Variants in HDAC4 observed in about 807,000 individuals in gnomAD.
The protein encoded by HDAC4 is histone deacetylase A.
A neutral mutation model predicts 135.1 loss-of-function variants in HDAC4; 16 were observed. The observed-to-expected ratio is 0.12, with a 90% CI of 0.08 to 0.18. HDAC4 has a LOEUF of 0.18. HDAC4 is among the 10% of genes least tolerant of loss of function. The pLI is 1.00. For synonymous variants in HDAC4, 685 were observed against 653.4 expected (o/e 1.05, Z -0.74); for missense variants, 1,143 against 1,511.8 (o/e 0.76, Z 4.05).
chr2:239,181,936 C>G (rs1027118891), intron 4 of HDAC4, among the ~76,000 whole-genome samples: 1 of 152,180 alleles, frequency 6.6e-6, no homozygotes. Flanking sequence ...ACTAAATATC[C>G]TAAGGTAAAA....
intron 22 of HDAC4, among the ~76,000 whole-genome samples, chr2:239,077,189 C>G (rs1423838072): frequency 6.6e-6 from 1 of 152,248 alleles, no homozygotes; most frequent in Admixed American, 6.5e-5. Context: ...AGTCAGAGGC[C>G]CCGATAGAGC....
chr2:239,234,791 G>C (rs1321020545), intron 3 of HDAC4, among the ~76,000 whole-genome samples: 1 of 152,186 alleles, frequency 6.6e-6, no homozygotes, highest in Non-Finnish European at 1.5e-5. Flanking sequence ...GACAGGCAGG[G>C]TGCGCTTCCC....
At chr2:239,126,755 G>C in intron 11 of HDAC4, 61 bp from the exon 12 acceptor site, 17 of 1,501,396 alleles carry the variant, frequency 1.1e-5, no homozygotes, top group Non-Finnish European at 1.4e-5. Context: ...GAGGGAGAGA[G>C]GGCTATTGAG....
chr2:239,341,358 G>C (rs1692286975), intron 2 of HDAC4, among the ~76,000 whole-genome samples: 1 of 152,270 alleles, frequency 6.6e-6, no homozygotes, highest in South Asian at 2.1e-4. Context: ...AGGAAGGTTT[G>C]TGTTGTGCAG....
At chr2:239,363,315 A>C (rs1199481534) in intron 1 of HDAC4, among the ~76,000 whole-genome samples, 1 of 152,244 alleles carries the variant, frequency 6.6e-6, no homozygotes, top group African/African-American at 2.4e-5. Context: ...AAATGGAAGC[A>C]CAAAGAACCT....
intron 19 of HDAC4, among the ~76,000 whole-genome samples, chr2:239,086,602 C>G (rs185890293): frequency 6.6e-6 from 1 of 152,252 alleles, no homozygotes; most frequent in Non-Finnish European, 1.5e-5. Context: ...CTATCTCTCA[C>G]GTCCTGCCGG....
intron 3 of HDAC4, among the ~76,000 whole-genome samples, chr2:239,230,951 T>C (rs1272063066): frequency 6.6e-6 from 1 of 152,182 alleles, no homozygotes; most frequent in Admixed American, 6.5e-5. Flanking sequence ...ATACTTCCTG[T>C]TCCAAAATGT....
chr2:239,079,839 TATAC>T (rs1276891306), intron 22 of HDAC4, among the ~76,000 whole-genome samples: 1 of 134,884 alleles, frequency 7.4e-6, no homozygotes, highest in Non-Finnish European at 1.6e-5. Context: ...CACACAGCGA[TATAC>T]ACACAAAGAC....
At position 239,134,359 on chromosome 2, in the gene HDAC4, T is replaced by C; in HGVS notation, c.1180A>G (p.Thr394Ala). Residue 394 changes from threonine to alanine, a missense_variant, in exon 11 of 27, where the codon ACT becomes GCT. Thr to Ala is a moderately conservative substitution (Grantham distance 58). Around this residue, in one of 9 missense-constraint regions of HDAC4, gnomAD observed 272 missense variants for 309.7 expected, o/e 0.88. Transcript: ENST00000543185. ...RLSLFPGTHL[T>A]PYLSTSPLER... ...AAGGGCGAGGTGCTCAGGTAGGGAG[T>C]GAGGTGGGTGCCGGGGAAAAGGGAG... The C allele has an allele frequency of 6.2e-7, 1 of 1,612,750 alleles. No individual in the cohort carries two copies. Among genetic ancestry groups the C allele is most frequent in the Non-Finnish European group, 8.5e-7 (1 of 1,179,700 alleles).
chr2:239,286,821 A>T (rs2051163949), intron 2 of HDAC4, among the ~76,000 whole-genome samples: 1 of 152,162 alleles, frequency 6.6e-6, no homozygotes, highest in Admixed American at 6.5e-5. Flanking sequence ...AAGGAGAAAA[A>T]GAAAACTCAC....
intron 5 of HDAC4, among the ~76,000 whole-genome samples, chr2:239,164,514 G>A (rs2043010448): frequency 6.6e-6 from 1 of 152,216 alleles, no homozygotes; most frequent in South Asian, 2.1e-4. Flanking sequence ...TTCCGTGGCG[G>A]TGATTCTTTT....
chr2:239,383,437 G>C (rs960129363), intron 1 of HDAC4, among the ~76,000 whole-genome samples: 2 of 152,230 alleles, frequency 1.3e-5, no homozygotes, highest in African/African-American at 4.8e-5. Context: ...CTGATGACAT[G>C]TGGGCAGGCA....
intron 17 of HDAC4, chr2:239,091,907 A>AC (rs1273304704): frequency 6.9e-6 from 1 of 144,106 alleles, no homozygotes; most frequent in Non-Finnish European, 1.5e-5. Context: ...AAAAATACAA[A>AC]AAAAAAAAAA....
intron 1 of HDAC4, among the ~76,000 whole-genome samples, chr2:239,381,842 G>T (rs1695438133): frequency 1.3e-5 from 2 of 152,196 alleles, no homozygotes; most frequent in Non-Finnish European, 2.9e-5. Flanking sequence ...TCCCCTGGGG[G>T]AGGAGGGTGC....
At chr2:239,098,843 C>T (rs942154642) in intron 16 of HDAC4, among the ~76,000 whole-genome samples, 5 of 152,156 alleles carry the variant, frequency 3.3e-5, no homozygotes, top group African/African-American at 9.7e-5. Context: ...GGACAATTGT[C>T]GGAAATTCAA....
chr2:239,176,784 A>G (rs1450932922), intron 4 of HDAC4, among the ~76,000 whole-genome samples: 1 of 152,220 alleles, frequency 6.6e-6, no homozygotes, highest in Non-Finnish European at 1.5e-5. Flanking sequence ...AAAACATTAA[A>G]AACAAAAGCC....
chr2:239,159,199 C>T (rs2042620109), intron 6 of HDAC4, among the ~76,000 whole-genome samples: 1 of 151,470 alleles, frequency 6.6e-6, no homozygotes, highest in Non-Finnish European at 1.5e-5. Flanking sequence ...TACTCCCACC[C>T]ACACCTCACA....
At chr2:239,214,357 G>T (rs1014473811) in intron 3 of HDAC4, among the ~76,000 whole-genome samples, 1 of 152,156 alleles carries the variant, frequency 6.6e-6, no homozygotes, top group African/African-American at 2.4e-5. Flanking sequence ...AAGAACCCTC[G>T]TGAAGACAAA....
chr2:239,352,695 C>T lies in HDAC4; in HGVS notation c.5G>A (p.Ser2Asn), dbSNP rs372398251. ...GGCCTTACCTGGATGGCTTTGGGAGCTCATTGCTAGCAATGTCCACTCCTT... is the reference window on the plus strand; with the variant it reads ...GGCCTTACCTGGATGGCTTTGGGAGTTCATTGCTAGCAATGTCCACTCCTT... M[S>N]SQSHPDGLSG... Residue 2 changes from serine to asparagine, a missense_variant, in exon 2 of 27, where the codon AGC becomes AAC. Physicochemically the swap from Ser to Asn is conservative, Grantham distance 46. Around this residue, in one of 9 missense-constraint regions of HDAC4, gnomAD observed 247 missense variants for 310.0 expected, o/e 0.80. Transcript: ENST00000543185. The surrounding 1 kb of genome is among the most constrained non-coding windows in gnomAD (Gnocchi z 4.4). 4.5e-6 allele frequency: 7 copies of T among 1,557,768 alleles called. No homozygotes were observed. In the African/African-American group the frequency reaches 9.5e-5, roughly 21 times the overall value.
Sources: gnomAD v4.1 joint callset for allele counts (sites outside exome capture counted in the v4.1 genomes callset) on GRCh38, gnomAD v4.1.1 for gene constraint, gnomAD v4.1.1 regional missense constraint, Gnocchi (gnomAD v3.1) non-coding constraint, MANE v1.5 for transcripts, NCBI Gene and HGNC (gene_info 2026-07-23, HGNC 2026-07-21) for gene names.